RGS17: variants seen among roughly 807,000 people sequenced by gnomAD.
RGS17 encodes regulator of G-protein signaling 17.
In RGS17, 12 loss-of-function variants were observed where a neutral mutation model predicts 25.5. That is an observed-to-expected ratio of 0.47 (90% CI 0.30 to 0.76). The LOEUF is 0.76. RGS17 is among the 30% of genes least tolerant of loss of function. The probability of loss-of-function intolerance (pLI) is 0.07; values close to 1 mark genes in which losing one functional copy is unlikely to be tolerated. For synonymous variants in RGS17, 71 were observed against 76.9 expected (o/e 0.92, Z 0.40); for missense variants, 196 against 242.2 (o/e 0.81, Z 1.27).
At chr6:153,053,597 G>A (rs570632573) in intron 1 of RGS17, among the ~76,000 whole-genome samples, 3 of 152,108 alleles carry the variant, frequency 2.0e-5, no homozygotes, top group African/African-American at 4.8e-5. Flanking sequence ...GACCAGCCTG[G>A]TAACACAGTG....
intron 2 of RGS17, among the ~76,000 whole-genome samples, chr6:153,030,119 A>G (rs776898230): frequency 2.1e-4 from 32 of 152,336 alleles, no homozygotes; most frequent in Non-Finnish European, 4.3e-4. Context: ...GATTTTCTAA[A>G]TAGTGACTTT....
chr6:153,083,358 G>C (rs1238947315), intron 1 of RGS17, among the ~76,000 whole-genome samples: 3 of 152,150 alleles, frequency 2.0e-5, no homozygotes, highest in Non-Finnish European at 4.4e-5. Context: ...AGTTACAGTT[G>C]TCATAATAGA....
chr6:153,100,672 A>C (rs1777288403), intron 1 of RGS17, among the ~76,000 whole-genome samples: 1 of 152,244 alleles, frequency 6.6e-6, no homozygotes. Flanking sequence ...AATGTCTACC[A>C]GGTAAATGTT....
intron 2 of RGS17, among the ~76,000 whole-genome samples, chr6:153,037,313 T>C (rs1584128237): frequency 1.3e-5 from 2 of 152,192 alleles, no homozygotes; most frequent in South Asian, 4.2e-4. Context: ...GTGACACAAG[T>C]TTTTATATTT....
At chr6:153,020,126 ATATATATATATATTTTTTTTTTTTTTT>A (rs1779229147) in intron 4 of RGS17, among the ~76,000 whole-genome samples, 6 of 93,532 alleles carry the variant, frequency 6.4e-5, no homozygotes, top group Admixed American at 5.3e-4. Context: ...ATATATATAT[ATATATATATATATTTTTTTTTTTTTTT>A]TTTTTTTTTT....
intron 1 of RGS17, among the ~76,000 whole-genome samples, chr6:153,089,983 C>A (rs1777103671): frequency 6.6e-6 from 1 of 152,156 alleles, no homozygotes; most frequent in African/African-American, 2.4e-5. Flanking sequence ...ACTCCCTTGG[C>A]AGCAGCATCT....
chr6:153,024,508 G>T lies in RGS17; in HGVS notation c.210-12C>A. On this transcript the variant is annotated splice_polypyrimidine_tract_variant and intron_variant, in intron 3 of 4. Transcript: ENST00000206262. The stretch of plus-strand genomic sequence containing the variant: ...CAGTGGGGTTTTGGCTGCAGAGACA[G>T]AACGGGGCCGTGATCAAAGGGAACT... 1.3e-6 allele frequency: 2 copies of T among 1,588,090 alleles called. No homozygotes were observed. Among genetic ancestry groups the T allele is most frequent in the Non-Finnish European group, 1.7e-6 (2 of 1,156,808 alleles).
In RGS17 at chr6:153,022,884, A is replaced by C. The variant is rs141788461; in HGVS notation, c.444+1378T>G. ...AGTAACAAATGTGTTGAGGCTACATATTTATTACTGATGTCACACTGTATT... is the reference window on the plus strand; with the variant it reads ...AGTAACAAATGTGTTGAGGCTACATCTTTATTACTGATGTCACACTGTATT... On this transcript the variant is annotated intron_variant, in intron 4 of 4. Coordinates refer to ENST00000206262, the MANE Select transcript of RGS17 (RefSeq NM_012419.5). 3.1e-3 allele frequency among the ~76,000 whole-genome samples: 478 copies of C among 152,274 alleles called. 7 individuals carry two copies. The highest frequency in any genetic ancestry group is 0.011 in the African/African-American group (462 of 41,564).
At chr6:153,037,536 C>T (rs1329254453) in intron 2 of RGS17, among the ~76,000 whole-genome samples, 1 of 152,018 alleles carries the variant, frequency 6.6e-6, no homozygotes, top group Non-Finnish European at 1.5e-5. Flanking sequence ...AGCGATTCTC[C>T]TGCCTCCGCC....
rs1272421969 is a variant in RGS17, at chr6:153,007,020, G to A, written c.*4554C>T. 6.6e-6 allele frequency: 1 copy of A among 152,180 alleles called. No homozygotes were observed. The highest frequency in any genetic ancestry group is 6.5e-5 in the Admixed American group (1 of 15,288). 9.4% of individuals were successfully genotyped at this position (152,180 alleles called of 1,614,324 possible). ...CCAAACTGGGACCTTCTATCACCTA[G>A]GGCAACATTTTGCCTTTTGTAGTGT... On this transcript the variant is annotated 3_prime_UTR_variant, in exon 5 of 5. Coordinates refer to ENST00000206262, the MANE Select transcript of RGS17 (RefSeq NM_012419.5).
chr6:153,081,624 CT>C (rs1218279982), intron 1 of RGS17, among the ~76,000 whole-genome samples: 2 of 5,736 alleles, frequency 3.5e-4, no homozygotes, highest in African/African-American at 3.9e-3. Flanking sequence ...TCATCTCCTT[CT>C]TTTTTTCCCC....
chr6:153,066,761 G>C (rs1044451473), intron 1 of RGS17, among the ~76,000 whole-genome samples: 11 of 152,114 alleles, frequency 7.2e-5, no homozygotes, highest in African/African-American at 2.7e-4. Flanking sequence ...GAACATGTCA[G>C]CTGGGCGCGG....
intron 1 of RGS17, among the ~76,000 whole-genome samples, chr6:153,096,067 A>G (rs1216790233): frequency 6.6e-6 from 1 of 152,222 alleles, no homozygotes; most frequent in Non-Finnish European, 1.5e-5. Flanking sequence ...AATAATTTCC[A>G]AGATAAACAG....
At chr6:153,123,934 T>G (rs894819268) in intron 1 of RGS17, among the ~76,000 whole-genome samples, 2 of 152,204 alleles carry the variant, frequency 1.3e-5, no homozygotes, top group Non-Finnish European at 2.9e-5. Context: ...GGTGTTGAGG[T>G]CGGTTCACAA....
At chr6:153,106,228 T>C (rs1322446585) in intron 1 of RGS17, among the ~76,000 whole-genome samples, 2 of 151,956 alleles carry the variant, frequency 1.3e-5, no homozygotes, top group South Asian at 2.1e-4. Flanking sequence ...CACGTTCTGA[T>C]GCAGGCAGTT....
Position 153,024,279 on chromosome 6 carries a change from T to C in RGS17, c.427A>G (p.Ile143Val), listed in dbSNP as rs376780387. The change falls in exon 4 of 5, where the codon ATA (isoleucine) becomes GTA (valine). Residue 143 changes from isoleucine to valine, a missense_variant. By Grantham distance (29) the Ile-to-Val change is conservative (BLOSUM62 3). Around this residue, in one of 2 missense-constraint regions of RGS17, gnomAD observed 179 missense variants for 197.6 expected, o/e 0.91. Transcript: ENST00000206262. ...ARMIYEDYISILSPKEVSLDS... is the reference protein window; with the variant it reads ...ARMIYEDYISVLSPKEVSLDS... The stretch of plus-strand genomic sequence containing the variant: ...ATTTTTACCTCTTTTGGTGATAGTA[T>C]AGAAATGTAATCTTCATATATCATC... 3 of 1,609,454 alleles carry C rather than the reference T, an allele frequency of 1.9e-6. No individual in the cohort carries two copies. Among genetic ancestry groups the C allele is most frequent in the South Asian group, 1.1e-5 (1 of 90,796 alleles).
intron 1 of RGS17, among the ~76,000 whole-genome samples, chr6:153,102,901 T>C (rs796566347): frequency 7.2e-5 from 11 of 152,338 alleles, no homozygotes; most frequent in African/African-American, 2.6e-4. Flanking sequence ...ACTGCCCTGA[T>C]ACTCAGTGGC....
At chr6:153,097,290 A>ATTTTTTTT (rs3083488) in intron 1 of RGS17, among the ~76,000 whole-genome samples, 1 of 88,302 alleles carries the variant, frequency 1.1e-5, no homozygotes, top group African/African-American at 4.6e-5. Flanking sequence ...CGTTTTTTTG[A>ATTTTTTTT]TTTTTTTTTT....
At chr6:153,062,743 T>C (rs777752458) in intron 1 of RGS17, among the ~76,000 whole-genome samples, 6 of 152,028 alleles carry the variant, frequency 3.9e-5, no homozygotes, top group Non-Finnish European at 8.8e-5. Context: ...TTCTTTCCAC[T>C]TGAGGAGAGG....
Sources: gnomAD v4.1 joint callset for allele counts (sites outside exome capture counted in the v4.1 genomes callset) on GRCh38, gnomAD v4.1.1 for gene constraint, gnomAD v4.1.1 regional missense constraint, MANE v1.5 for transcripts, NCBI Gene and HGNC (gene_info 2026-07-23, HGNC 2026-07-21) for gene names.